RTN4RL1: variants seen among roughly 807,000 people sequenced by gnomAD.
The protein encoded by RTN4RL1 is reticulon 4 receptor like 1, also known as reticulon-4 receptor-like 1.
In RTN4RL1, 7 loss-of-function variants were observed where a neutral mutation model predicts 25.6. The ratio of observed to expected loss-of-function variants is 0.27; its 90% CI spans 0.16 to 0.51. RTN4RL1 has a LOEUF of 0.51. Ranked by LOEUF, RTN4RL1 falls within the 20% of genes least tolerant of loss-of-function variation. RTN4RL1 has a pLI of 0.97. For missense variants in RTN4RL1, 500 were observed against 615.6 expected, an observed-to-expected ratio of 0.81 and a Z score of 1.99; for synonymous variants, 297 against 288.2, an observed-to-expected ratio of 1.03 and a Z score of -0.31.
rs1191679012 is a variant in RTN4RL1, at chr17:1,934,941, C to T, written c.*1555G>A. ...AGCCTCTGCCTGCACCCTGAGCATC[C>T]CCAGGACGGCTGGGAGGGCCAGGTC... On this transcript the variant is annotated 3_prime_UTR_variant, in exon 2 of 2. Transcript: ENST00000331238. The surrounding 1 kb of genome is among the most constrained non-coding windows in gnomAD (Gnocchi z 4.0). 2.6e-5 allele frequency: 4 copies of T among 152,394 alleles called. No individual in the cohort carries two copies. Among genetic ancestry groups the T allele is most frequent in the Non-Finnish European group, 1.5e-5 (1 of 68,110 alleles). 9.4% of individuals were successfully genotyped at this position (152,394 alleles called of 1,614,324 possible). A position where few individuals can be genotyped will look rare whatever the true frequency, so the allele number is the denominator to read the frequency against.
rs995752895 is a variant in RTN4RL1 at position 1,936,268 on chromosome 17, G to A, written c.*228C>T. 2.3e-5 allele frequency: 31 copies of A among 1,368,562 alleles called. No individual in the cohort carries two copies. In the African/African-American group the frequency reaches 2.4e-4, roughly 11 times the overall value. The allele number at this position is 1,368,562 out of a possible 1,614,324, so 84.8% of individuals were successfully genotyped here. ...TGGACACTGTCCGTGGGCGCTCTGC[G>A]GGGCTGGCTGGGACAGCCGGCTGAG... On this transcript the variant is annotated 3_prime_UTR_variant, in exon 2 of 2. Coordinates refer to ENST00000331238, the MANE Select transcript of RTN4RL1 (RefSeq NM_178568.4).
intron 1 of RTN4RL1, among the ~76,000 whole-genome samples, chr17:1,988,774 C>G (rs191182355): frequency 6.6e-6 from 1 of 152,236 alleles, no homozygotes; most frequent in Admixed American, 6.5e-5. Context: ...TTGAGCTGGG[C>G]TCTAGAAGAA....
At chr17:2,007,417 G>A (rs565054731) in intron 1 of RTN4RL1, among the ~76,000 whole-genome samples, 11 of 150,404 alleles carry the variant, frequency 7.3e-5, no homozygotes, top group Admixed American at 2.7e-4. Flanking sequence ...TTCAAGTCCC[G>A]TCTGGCTGCT....
intron 1 of RTN4RL1, among the ~76,000 whole-genome samples, chr17:1,966,261 A>G (rs895451907): frequency 6.6e-6 from 1 of 152,136 alleles, no homozygotes; most frequent in Non-Finnish European, 1.5e-5. Context: ...AAAGGGTCCA[A>G]ATGGGGATGT....
At chr17:2,017,929 T>G (rs1163411054) in intron 1 of RTN4RL1, 1 of 152,344 alleles carries the variant, frequency 6.6e-6, no homozygotes, top group Non-Finnish European at 1.5e-5. Flanking sequence ...TCAGCTAGAC[T>G]CTCTGCCTTG....
chr17:2,012,888 T>C (rs945825140), intron 1 of RTN4RL1, among the ~76,000 whole-genome samples: 2 of 151,882 alleles, frequency 1.3e-5, no homozygotes, highest in Non-Finnish European at 2.9e-5. Context: ...CCACCTCCTG[T>C]GTTCAAGCAA....
In RTN4RL1 at chr17:1,935,795, A is replaced by G; in HGVS notation, c.*701T>C. On this transcript the variant is annotated 3_prime_UTR_variant, in exon 2 of 2. Coordinates refer to ENST00000331238, the MANE Select transcript of RTN4RL1 (RefSeq NM_178568.4). ...ATATAAGTGGACGTAGTTAGTTATA[A>G]AACTGCACCTTCTGTGAGAACCTCA... 1.0e-6 allele frequency: 1 copy of G among 976,278 alleles called. No homozygotes were observed. Among genetic ancestry groups the G allele is most frequent in the Non-Finnish European group, 1.2e-6 (1 of 825,762 alleles). 60.5% of individuals were successfully genotyped at this position (976,278 alleles called of 1,614,324 possible). A position where few individuals can be genotyped will look rare whatever the true frequency, so the allele number is the denominator to read the frequency against.
chr17:2,019,078 G>A (rs1035550410), intron 1 of RTN4RL1: 1 of 152,174 alleles, frequency 6.6e-6, no homozygotes, highest in Non-Finnish European at 1.5e-5. Flanking sequence ...TGCTCCTGCA[G>A]CCCTAGCCTT....
Position 1,994,385 on chromosome 17 carries a change from C to T in RTN4RL1, c.13+30468G>A, listed in dbSNP as rs550065245. Among the ~76,000 whole-genome samples, 67 of 152,108 alleles carry T rather than the reference C, an allele frequency of 4.4e-4. 1 individual carries two copies. Among genetic ancestry groups the T allele is most frequent in the Admixed American group, 7.2e-4 (11 of 15,262 alleles). ...TGTTACAGAGGACCTACCAGCTCTC[C>T]CAGCCAGGGACACACTTGGTCCCTC... On this transcript the variant is annotated intron_variant, in intron 1 of 1. Transcript: ENST00000331238. The surrounding 1 kb of genome is among the most constrained non-coding windows in gnomAD (Gnocchi z 4.3).
chr17:1,940,209 A>G (rs893575280), intron 1 of RTN4RL1, among the ~76,000 whole-genome samples: 26 of 152,206 alleles, frequency 1.7e-4, no homozygotes, highest in Admixed American at 6.5e-5. Context: ...CTTCGACTGA[A>G]CATTTCCAAC....
chr17:2,022,037 G>A (rs1334718630), intron 1 of RTN4RL1, among the ~76,000 whole-genome samples: 4 of 150,964 alleles, frequency 2.6e-5, no homozygotes, highest in Admixed American at 6.6e-5. Flanking sequence ...AATTTTGGCC[G>A]GGTGCAGTGA....
chr17:1,967,360 C>T (rs1387790394), intron 1 of RTN4RL1, among the ~76,000 whole-genome samples: 1 of 152,130 alleles, frequency 6.6e-6, no homozygotes, highest in African/African-American at 2.4e-5. Flanking sequence ...GTCTAGATGG[C>T]CCCCTCAGCA....
At chr17:1,946,802 T>C (rs1915556477) in intron 1 of RTN4RL1, among the ~76,000 whole-genome samples, 1 of 145,474 alleles carries the variant, frequency 6.9e-6, no homozygotes, top group Non-Finnish European at 1.5e-5. Context: ...AATGTGTGCG[T>C]CTCTGTGTGA....
chr17:1,966,289 T>C (rs775990963), intron 1 of RTN4RL1, among the ~76,000 whole-genome samples: 2 of 152,174 alleles, frequency 1.3e-5, no homozygotes, highest in East Asian at 3.9e-4. Flanking sequence ...TTGAGGTGTG[T>C]GTTGAGCTGT....
chr17:1,961,773 C>CAAAAACAAAAAAAAAAA (rs2066762888), intron 1 of RTN4RL1, among the ~76,000 whole-genome samples: 1 of 55,580 alleles, frequency 1.8e-5, no homozygotes, highest in African/African-American at 6.9e-5. Context: ...ACTAAAAATA[C>CAAAAACAAAAAAAAAAA]AAAAAAAAAA....
rs1376651676 is a variant in RTN4RL1, at chr17:1,994,467, CCT to C, written c.13+30384_13+30385del. On this transcript the variant is annotated intron_variant, in intron 1 of 1. Transcript: ENST00000331238. This position sits in a 1 kb window ranked among gnomAD's most constrained non-coding sequence, Gnocchi z 4.3. ...GTCCTGAATATCCTCGGCCTCATCCCCTGATATTCTCAATTCTCAGGTCAGAA... is the reference window on the plus strand; with the variant it reads ...GTCCTGAATATCCTCGGCCTCATCCCGATATTCTCAATTCTCAGGTCAGAA... Among the ~76,000 whole-genome samples the C allele has an allele frequency of 2.6e-5, 4 of 152,170 alleles. No homozygotes were observed. The highest frequency in any genetic ancestry group is 4.8e-5 in the African/African-American group (2 of 41,428).
At chr17:1,960,513 G>A (rs1469669462) in intron 1 of RTN4RL1, among the ~76,000 whole-genome samples, 1 of 152,144 alleles carries the variant, frequency 6.6e-6, no homozygotes, top group South Asian at 2.1e-4. Flanking sequence ...ACCACAGCGA[G>A]CTCATTCTTG....
intron 1 of RTN4RL1, among the ~76,000 whole-genome samples, chr17:1,955,193 G>A (rs368854425): frequency 2.7e-4 from 41 of 152,166 alleles, no homozygotes; most frequent in African/African-American, 6.5e-4. Context: ...CCTTGTGTGC[G>A]GTCCCCAACC....
Position 2,017,653 on chromosome 17 carries a change from G to T in RTN4RL1, c.13+7200C>A, listed in dbSNP as rs187267262. On this transcript the variant is annotated intron_variant, in intron 1 of 1. Coordinates refer to ENST00000331238, the MANE Select transcript of RTN4RL1 (RefSeq NM_178568.4). ...CCACACACACTACAGGGAGCCTGTT[G>T]CATGCTTTGCCAGGTGTGTTTCTGT... The T allele has an allele frequency of 5.3e-5, 8 of 151,132 alleles. No homozygotes were observed. The East Asian group carries it at 1.4e-3, about 26-fold the overall frequency. 9.4% of individuals were successfully genotyped at this position (151,132 alleles called of 1,614,324 possible).
Sources: gnomAD v4.1 joint callset for allele counts (sites outside exome capture counted in the v4.1 genomes callset) on GRCh38, gnomAD v4.1.1 for gene constraint, Gnocchi (gnomAD v3.1) non-coding constraint, MANE v1.5 for transcripts, NCBI Gene and HGNC (gene_info 2026-07-23, HGNC 2026-07-21) for gene names.